CELF4: variants seen among roughly 807,000 people sequenced by gnomAD.
CELF4 encodes CUGBP Elav-like family member 4, also known as CUG-BP- and ETR-3-like factor 4.
A neutral mutation model predicts 59.9 loss-of-function variants in CELF4; 18 were observed. The ratio of observed to expected loss-of-function variants is 0.30; its 90% CI spans 0.21 to 0.45. The LOEUF is 0.45. CELF4 is among the 20% of genes least tolerant of loss of function. The pLI, the probability that CELF4 is intolerant of heterozygous loss-of-function variation, is 1.00. For missense variants in CELF4, 456 were observed against 689.0 expected (o/e 0.66, Z 3.79); for synonymous variants, 261 against 267.1 (o/e 0.98, Z 0.22).
chr18:37,320,594 A>G (rs1285974300), intron 3 of CELF4, among the ~76,000 whole-genome samples: 1 of 152,020 alleles, frequency 6.6e-6, no homozygotes, highest in East Asian at 1.9e-4. Context: ...GGGGCCCTAG[A>G]TGGTGGAGAG....
At chr18:37,374,186 C>T (rs186765347) in intron 2 of CELF4, among the ~76,000 whole-genome samples, 1 of 152,360 alleles carries the variant, frequency 6.6e-6, no homozygotes, top group Non-Finnish European at 1.5e-5. Flanking sequence ...CACCTCTTCA[C>T]TCTCCACCTC....
chr18:37,364,784 C>T (rs2098754227), intron 2 of CELF4, among the ~76,000 whole-genome samples: 1 of 152,192 alleles, frequency 6.6e-6, no homozygotes, highest in Non-Finnish European at 1.5e-5. Context: ...TGAATGATTT[C>T]TATGCAGTTC....
intron 2 of CELF4, among the ~76,000 whole-genome samples, chr18:37,431,649 G>A (rs764822969): frequency 2.6e-5 from 4 of 152,290 alleles, no homozygotes; most frequent in Admixed American, 2.0e-4. Flanking sequence ...GATTACAGGC[G>A]TGAGCCACTG....
intron 2 of CELF4, among the ~76,000 whole-genome samples, chr18:37,407,808 T>G (rs1056377966): frequency 2.6e-5 from 4 of 152,122 alleles, no homozygotes; most frequent in African/African-American, 4.8e-5. Flanking sequence ...ACATGCCATA[T>G]TGGATTCCAT....
intron 3 of CELF4, among the ~76,000 whole-genome samples, chr18:37,304,757 G>A (rs2096287169): frequency 6.6e-6 from 1 of 152,222 alleles, no homozygotes; most frequent in African/African-American, 2.4e-5. Flanking sequence ...GCCACTATGG[G>A]CTTCCTTTCG....
At chr18:37,336,410 C>T (rs2154543758) in intron 2 of CELF4, among the ~76,000 whole-genome samples, 1 of 152,298 alleles carries the variant, frequency 6.6e-6, no homozygotes, top group South Asian at 2.1e-4. Context: ...TCTTGAACTC[C>T]TGGGCTCAAG....
intron 3 of CELF4, among the ~76,000 whole-genome samples, chr18:37,291,535 G>A (rs1279177768): frequency 6.6e-6 from 1 of 152,200 alleles, no homozygotes; most frequent in Non-Finnish European, 1.5e-5. Context: ...TTTCCCACCA[G>A]CCCTGTGATT....
intron 2 of CELF4, among the ~76,000 whole-genome samples, chr18:37,338,446 CTGT>C (rs1474118839): frequency 6.6e-6 from 1 of 151,196 alleles, no homozygotes; most frequent in Non-Finnish European, 1.5e-5. Flanking sequence ...ACTGTCACCA[CTGT>C]CACTACCACC....
chr18:37,336,463 T>C (rs2097773620), intron 2 of CELF4, among the ~76,000 whole-genome samples: 1 of 152,196 alleles, frequency 6.6e-6, no homozygotes, highest in African/African-American at 2.4e-5. Context: ...ATCACATGCA[T>C]GAGCCACCCC....
rs181057312 is a variant in CELF4 at position 37,442,906 on chromosome 18, C to T, written c.369+42619G>A. Among the ~76,000 whole-genome samples the T allele has an allele frequency of 2.0e-5, 3 of 152,284 alleles. No homozygotes were observed. The East Asian group carries it at 5.8e-4, about 29-fold the overall frequency. On this transcript the variant is annotated intron_variant, in intron 2 of 12. Coordinates refer to ENST00000420428, the MANE Select transcript of CELF4 (RefSeq NM_020180.4). ...CCTTTTCTTACACAGTACCTGCTAC[C>T]AACCACACTGCCTTCTGGGTTAGTT...
At chr18:37,485,366 G>A (rs2099878782) in intron 2 of CELF4, among the ~76,000 whole-genome samples, 159 bp downstream of exon 2, 1 of 150,742 alleles carries the variant, frequency 6.6e-6, no homozygotes, top group Non-Finnish European at 1.5e-5. Context: ...CCGGACGGCC[G>A]AGAGCCCAGG....
intron 1 of CELF4, among the ~76,000 whole-genome samples, chr18:37,532,725 A>G (rs1214139336): frequency 6.6e-6 from 1 of 152,256 alleles, no homozygotes; most frequent in African/African-American, 2.4e-5. Context: ...CCCGTATTCA[A>G]CATATATGGA....
chr18:37,366,237 C>T (rs891197577), intron 2 of CELF4, among the ~76,000 whole-genome samples: 1 of 152,118 alleles, frequency 6.6e-6, no homozygotes, highest in African/African-American at 2.4e-5. Flanking sequence ...AAAGCTATAG[C>T]GCAGACCCAG....
chr18:37,475,239 G>A (rs187725345), intron 2 of CELF4, among the ~76,000 whole-genome samples: 426 of 152,358 alleles, frequency 2.8e-3, no homozygotes, highest in African/African-American at 9.6e-3. Context: ...TTCTGGGGGC[G>A]CTCCAACTAA....
chr18:37,408,498 G>T lies in CELF4; in HGVS notation c.369+77027C>A, dbSNP rs745594476. Among the ~76,000 whole-genome samples the T allele has an allele frequency of 1.7e-4, 9 of 52,068 alleles. 1 individual carries two copies. The East Asian group carries it at 6.8e-3, about 39-fold the overall frequency. 34.2% of individuals were successfully genotyped at this position (52,068 alleles called of 152,430 possible). On this transcript the variant is annotated intron_variant, in intron 2 of 12. Coordinates refer to ENST00000420428, the MANE Select transcript of CELF4 (RefSeq NM_020180.4). ...TTCCCCCTTTGGTTGGTGCCGGGGGGGGGCGCGGTGCAGGAGGATGTGAGA... is the reference window on the plus strand; with the variant it reads ...TTCCCCCTTTGGTTGGTGCCGGGGGTGGGCGCGGTGCAGGAGGATGTGAGA...
intron 2 of CELF4, among the ~76,000 whole-genome samples, chr18:37,436,009 C>T (rs1226042362): frequency 6.6e-6 from 1 of 152,198 alleles, no homozygotes; most frequent in Non-Finnish European, 1.5e-5. Flanking sequence ...CCTCTCTGCT[C>T]ACCTCTCTAG....
intron 3 of CELF4, among the ~76,000 whole-genome samples, chr18:37,294,157 G>A (rs1217381479): frequency 1.3e-5 from 2 of 152,120 alleles, no homozygotes; most frequent in East Asian, 1.9e-4. Context: ...GGACTCCCAC[G>A]GTTCTGTGTC....
chr18:37,274,235 C>A, intron 6 of CELF4, 76 bp downstream of exon 6: 1 of 1,583,324 alleles, frequency 6.3e-7, no homozygotes, highest in Non-Finnish European at 8.6e-7. Flanking sequence ...GTAGTATTTT[C>A]GGTTTCATGT....
intron 1 of CELF4, among the ~76,000 whole-genome samples, chr18:37,553,050 C>T (rs1279457001): frequency 3.3e-5 from 5 of 152,356 alleles, no homozygotes; most frequent in Middle Eastern, 3.4e-3. Flanking sequence ...CAGGCTTCGC[C>T]GTTTGTTCCT....
Sources: gnomAD v4.1 joint callset for allele counts (sites outside exome capture counted in the v4.1 genomes callset) on GRCh38, gnomAD v4.1.1 for gene constraint, MANE v1.5 for transcripts, NCBI Gene and HGNC (gene_info 2026-07-23, HGNC 2026-07-21) for gene names.